The following RSPO3 variants were observed in gnomAD, a reference collection of about 807,000 sequenced individuals.
RSPO3 encodes the protein R-spondin-3.
In RSPO3, 17 loss-of-function variants were observed where a neutral mutation model predicts 36.5. That is an observed-to-expected ratio of 0.47 (90% CI 0.32 to 0.70). The LOEUF (loss-of-function observed/expected upper bound fraction) is 0.70. RSPO3 is among the 30% of genes least tolerant of loss of function. The probability of loss-of-function intolerance (pLI) is 0.04; values close to 1 mark genes in which losing one functional copy is unlikely to be tolerated. For synonymous variants in RSPO3, 108 were observed against 107.0 expected (o/e 1.01, Z -0.06); for missense variants, 294 against 322.5 (o/e 0.91, Z 0.68).
intron 1 of RSPO3, among the ~76,000 whole-genome samples, chr6:127,134,687 G>A (rs1774118732): frequency 6.6e-6 from 1 of 152,138 alleles, no homozygotes; most frequent in Admixed American, 6.6e-5. Context: ...TTTTCGGTAT[G>A]TGATCACTGA....
rs1773778391 is a variant in RSPO3, at chr6:127,119,050, C to T, written c.-143C>T. On this transcript the variant is annotated 5_prime_UTR_variant, in exon 1 of 5. It adds an upstream start codon to the 5' untranslated region. Coordinates refer to ENST00000356698, the MANE Select transcript of RSPO3 (RefSeq NM_032784.5). The stretch of plus-strand genomic sequence containing the variant: ...CCCCACTTCGCTTGCCATCACAGCA[C>T]GCCTATCGGATGTGAGAGGAGAAGT... 2 of 575,232 alleles carry T rather than the reference C, an allele frequency of 3.5e-6. No homozygotes were observed. The highest frequency in any genetic ancestry group is 6.1e-6 in the Non-Finnish European group (2 of 330,558). 35.6% of individuals were successfully genotyped at this position (575,232 alleles called of 1,614,324 possible).
chr6:127,139,712 T>C (rs1774231659), intron 1 of RSPO3, among the ~76,000 whole-genome samples: 2 of 152,152 alleles, frequency 1.3e-5, no homozygotes, highest in Non-Finnish European at 2.9e-5. Context: ...AACGCTGTTA[T>C]TACCTACTAA....
intron 1 of RSPO3, among the ~76,000 whole-genome samples, chr6:127,138,876 A>C (rs1438122183): frequency 1.3e-5 from 2 of 152,200 alleles, no homozygotes; most frequent in Admixed American, 6.5e-5. Context: ...TCAGCTAGAA[A>C]ACATGACAAC....
In RSPO3 at chr6:127,126,898, G is replaced by A. The variant is rs184186035; in HGVS notation, c.97+7609G>A. ...CCCCCTTTTTCCTCCTATTTTTAGG[G>A]CTTCTGTATCCAAAGCAGTTTATTC... is the stretch of plus-strand genomic sequence containing the variant. On this transcript the variant is annotated intron_variant, in intron 1 of 4. Transcript: ENST00000356698. 1.1e-4 allele frequency among the ~76,000 whole-genome samples: 17 copies of A among 151,990 alleles called. No homozygotes were observed. The East Asian group carries it at 2.5e-3, about 22-fold the overall frequency.
chr6:127,144,643 G>GTTTTTTTTTTTTTTTGTTT (rs56388820), intron 1 of RSPO3, among the ~76,000 whole-genome samples: 1 of 99,130 alleles, frequency 1.0e-5, no homozygotes, highest in African/African-American at 4.2e-5. Context: ...GCTTCCCCTT[G>GTTTTTTTTTTTTTTTGTTT]TTTTTTTTTT....
intron 4 of RSPO3, among the ~76,000 whole-genome samples, chr6:127,167,177 T>C (rs764000487): frequency 1.3e-5 from 2 of 151,998 alleles, no homozygotes; most frequent in Admixed American, 1.3e-4. Flanking sequence ...ATGTGCAGGT[T>C]TGTTACATAG....
chr6:127,183,738 T>C (rs1228109289), intron 4 of RSPO3, among the ~76,000 whole-genome samples: 1 of 152,006 alleles, frequency 6.6e-6, no homozygotes, highest in Non-Finnish European at 1.5e-5. Context: ...ATATCGGCCT[T>C]ACATGTCTCC....
At chr6:127,127,381 C>A (rs1466524897) in intron 1 of RSPO3, among the ~76,000 whole-genome samples, 1 of 152,030 alleles carries the variant, frequency 6.6e-6, no homozygotes, top group East Asian at 1.9e-4. Context: ...AAATAATATG[C>A]CAAAGTATGT....
intron 1 of RSPO3, among the ~76,000 whole-genome samples, chr6:127,136,964 C>G (rs542340672): frequency 2.0e-5 from 3 of 152,088 alleles, no homozygotes; most frequent in African/African-American, 4.8e-5. Context: ...AAGGAGATAC[C>G]GAAGCAAGAG....
chr6:127,189,995 T>A (rs985944063), intron 4 of RSPO3, among the ~76,000 whole-genome samples: 15 of 152,176 alleles, frequency 9.9e-5, no homozygotes, highest in African/African-American at 3.4e-4. Flanking sequence ...ACAAAAGACA[T>A]TTCTCAATTT....
rs1235546816 is a variant in RSPO3 at position 127,195,891 on chromosome 6, A to G, written c.703A>G (p.Ser235Gly). The change falls in exon 5 of 5, where the codon AGC (serine) becomes GGC (glycine). Residue 235 changes from serine (S) to glycine (G), a missense_variant. By Grantham distance (56) the Ser-to-Gly change is moderately conservative (BLOSUM62 0). Transcript: ENST00000356698. ...AGAAAGTAAAGAAGCAATACCTGAC[A>G]GCAAAAGTCTGGAATCCAGCAAAGA... is the stretch of plus-strand genomic sequence containing the variant. ...KGESKEAIPD[S>G]KSLESSKEIP... is the part of the protein sequence containing the mutation. The G allele has an allele frequency of 1.4e-5, 23 of 1,612,582 alleles. No individual in the cohort carries two copies. The highest frequency in any genetic ancestry group is 1.9e-5 in the Non-Finnish European group (22 of 1,179,152).
In RSPO3 at chr6:127,197,329, C is replaced by A; in HGVS notation, c.*1322C>A. On this transcript the variant is annotated 3_prime_UTR_variant, in exon 5 of 5. Coordinates refer to ENST00000356698, the MANE Select transcript of RSPO3 (RefSeq NM_032784.5). ...TGATTTCACTGCTCCCCCTTCATTG[C>A]TTAGAAATGGGCATCATTTCTTGTA... The A allele has an allele frequency of 6.8e-7, 1 of 1,473,208 alleles. No individual in the cohort carries two copies. Among genetic ancestry groups the A allele is most frequent in the South Asian group, 1.3e-5 (1 of 76,686 alleles). The allele number at this position is 1,473,208 out of a possible 1,614,324, so 91.3% of individuals were successfully genotyped here. A position where few individuals can be genotyped will look rare whatever the true frequency, so the allele number is the denominator to read the frequency against.
chr6:127,141,820 G>A (rs1774276317), intron 1 of RSPO3, among the ~76,000 whole-genome samples: 1 of 151,988 alleles, frequency 6.6e-6, no homozygotes, highest in Non-Finnish European at 1.5e-5. Flanking sequence ...TTTGTATGTA[G>A]GTGTGTGTGT....
chr6:127,123,763 A>G (rs1773889331), intron 1 of RSPO3, among the ~76,000 whole-genome samples: 1 of 152,058 alleles, frequency 6.6e-6, no homozygotes, highest in Non-Finnish European at 1.5e-5. Context: ...AGAGTATTTG[A>G]ACTTGCAAAT....
intron 3 of RSPO3, among the ~76,000 whole-genome samples, chr6:127,151,387 C>T (rs1213931302): frequency 6.6e-6 from 1 of 151,966 alleles, no homozygotes; most frequent in Non-Finnish European, 1.5e-5. Flanking sequence ...CTTTGATGAA[C>T]ACTTGGGAAG....
chr6:127,187,667 T>A (rs1043156168), intron 4 of RSPO3, among the ~76,000 whole-genome samples: 36 of 152,170 alleles, frequency 2.4e-4, no homozygotes, highest in Admixed American at 6.5e-5. Flanking sequence ...AGTTTTATGA[T>A]CTATCCTAAG....
chr6:127,169,557 A>G (rs753114022), intron 4 of RSPO3, among the ~76,000 whole-genome samples: 1 of 151,944 alleles, frequency 6.6e-6, no homozygotes, highest in Admixed American at 6.6e-5. Flanking sequence ...AAACATCAGA[A>G]TAAGTCAAAA....
intron 4 of RSPO3, among the ~76,000 whole-genome samples, chr6:127,182,595 C>T (rs1020052414): frequency 6.6e-6 from 1 of 151,900 alleles, no homozygotes; most frequent in Non-Finnish European, 1.5e-5. Flanking sequence ...AGCTCATTTG[C>T]TTAAGCCTTT....
chr6:127,122,787 T>C (rs746741586), intron 1 of RSPO3, among the ~76,000 whole-genome samples: 2 of 152,220 alleles, frequency 1.3e-5, no homozygotes, highest in African/African-American at 4.8e-5. Flanking sequence ...GTCAAAGAAT[T>C]AAATACCTAA....
Sources: allele counts gnomAD v4.1 joint callset (sites outside exome capture counted in the v4.1 genomes callset), GRCh38; gene constraint gnomAD v4.1.1; transcripts MANE v1.5; gene names NCBI Gene and HGNC (gene_info 2026-07-23, HGNC 2026-07-21).